Variants in LIG1 observed in about 807,000 individuals in gnomAD.
LIG1 encodes the protein DNA ligase 1.
In LIG1, 70 loss-of-function variants were observed where a neutral mutation model predicts 115.7. The ratio of observed to expected loss-of-function variants is 0.60; its 90% CI spans 0.50 to 0.74. The LOEUF (loss-of-function observed/expected upper bound fraction) is 0.74. Ranked by LOEUF, LIG1 falls within the 30% of genes least tolerant of loss-of-function variation. The pLI is 0.00. For missense variants in LIG1, 1,115 were observed against 1,225.6 expected (o/e 0.91, Z 1.35); for synonymous variants, 487 against 495.3 (o/e 0.98, Z 0.22).
intron 25 of LIG1, chr19:48,118,404 C>T (rs1307821991): frequency 1.2e-5 from 2 of 162,594 alleles, no homozygotes; most frequent in African/African-American, 4.8e-5. Flanking sequence ...GGCAGTTCCC[C>T]TGCACACGCT....
In LIG1 at chr19:48,149,826, G is replaced by T; in HGVS notation, c.713C>A (p.Ala238Glu). 6.2e-7 allele frequency: 1 copy of T among 1,613,948 alleles called. No homozygotes were observed. Among genetic ancestry groups the T allele is most frequent in the Non-Finnish European group, 8.5e-7 (1 of 1,179,952 alleles). Residue 238 changes from alanine to glutamate, a missense_variant, in exon 9 of 28, where the codon GCA (alanine) becomes GAA (glutamate). By Grantham distance (107) the Ala-to-Glu change is moderately radical (BLOSUM62 -1). Coordinates refer to ENST00000263274, the MANE Select transcript of LIG1 (RefSeq NM_000234.3). ...LSSFFTPRKP[A>E]VKKEVKEEEP... is the part of the protein sequence containing the mutation. The stretch of plus-strand genomic sequence containing the variant: ...CTCTTCCTTCACTTCTTTTTTGACT[G>T]CTGGCTTCCGGGGGGCTAGGAATGA...
intron 9 of LIG1, among the ~76,000 whole-genome samples, chr19:48,148,389 C>T (rs906011211): frequency 6.6e-6 from 1 of 151,186 alleles, no homozygotes; most frequent in Non-Finnish European, 1.5e-5. Flanking sequence ...GCAGAAGAAT[C>T]GCTTGAACCT....
Position 48,127,951 on chromosome 19 carries a change from GCTT to G in LIG1, c.1888_1890del (p.Lys630del). The G allele has an allele frequency of 6.2e-7, 1 of 1,614,202 alleles. No individual in the cohort carries two copies. The highest frequency in any genetic ancestry group is 8.5e-7 in the Non-Finnish European group (1 of 1,180,048). On this transcript the variant is annotated inframe_deletion, in exon 20 of 28. Transcript: ENST00000263274. Reference sequence around the variant, plus strand: ...GTGAGCACTTGGAATGGCTGGATCTGCTTCTTTTCCCGGTCCCAAGCCACGGCT... The same window carrying G: ...GTGAGCACTTGGAATGGCTGGATCTGCTTTTCCCGGTCCCAAGCCACGGCT...
intron 24 of LIG1, among the ~76,000 whole-genome samples, 153 bp from the exon 25 acceptor site, chr19:48,119,343 G>T (rs149674921): frequency 6.6e-6 from 1 of 152,186 alleles, no homozygotes; most frequent in African/African-American, 2.4e-5. Context: ...CTGGGGGTGC[G>T]GAGCATCCAT....
chr19:48,151,146 C>T, intron 7 of LIG1, 86 bp downstream of exon 7: 1 of 765,106 alleles, frequency 1.3e-6, no homozygotes, highest in Non-Finnish European at 2.3e-6. Flanking sequence ...AGAATCTATG[C>T]CTTGTTTAAA....
intron 9 of LIG1, among the ~76,000 whole-genome samples, chr19:48,144,813 C>CT (rs1221737740): frequency 6.6e-6 from 1 of 152,110 alleles, no homozygotes; most frequent in Non-Finnish European, 1.5e-5. Context: ...CAGAAGGGAC[C>CT]TTTCTAACTT....
chr19:48,154,224 T>A, intron 5 of LIG1: 1 of 475,272 alleles, frequency 2.1e-6, no homozygotes, highest in South Asian at 2.0e-5. Flanking sequence ...TCCCCACGAG[T>A]AAACAATGAT....
At chr19:48,135,100 G>A (rs955288732) in intron 16 of LIG1, among the ~76,000 whole-genome samples, 1 of 152,184 alleles carries the variant, frequency 6.6e-6, no homozygotes, top group African/African-American at 2.4e-5. Context: ...AGCCCTGTCT[G>A]GCACTCAGAA....
intron 4 of LIG1, among the ~76,000 whole-genome samples, chr19:48,157,510 G>C (rs2035926304): frequency 6.6e-6 from 1 of 151,988 alleles, no homozygotes; most frequent in South Asian, 2.1e-4. Context: ...GGGATGTCAG[G>C]GGAAATGATG....
intron 18 of LIG1, 37 bp from the exon 19 acceptor site, chr19:48,131,208 G>C (rs2034002358): frequency 6.7e-7 from 1 of 1,494,154 alleles, no homozygotes; most frequent in African/African-American, 1.4e-5. Flanking sequence ...AATCAGCTGA[G>C]TCCCCTCATG....
chr19:48,140,211 G>T, intron 11 of LIG1, 68 bp from the exon 12 acceptor site: 3 of 1,058,428 alleles, frequency 2.8e-6, no homozygotes, highest in South Asian at 1.3e-5. Flanking sequence ...GGGGTGGGGT[G>T]GGTTTAAGGG....
At chr19:48,149,036 G>A (rs1459623863) in intron 9 of LIG1, among the ~76,000 whole-genome samples, 1 of 152,194 alleles carries the variant, frequency 6.6e-6, no homozygotes, top group Non-Finnish European at 1.5e-5. Flanking sequence ...CAGGCCAGGT[G>A]TACTGGCTCA....
Position 48,143,583 on chromosome 19 carries a change from C to T in LIG1, c.874G>A (p.Val292Met). Residue 292 changes from valine to methionine, a missense_variant, in exon 11 of 28, where the codon GTG (valine) becomes ATG (methionine). Val to Met is a conservative substitution (Grantham distance 21). Coordinates refer to ENST00000263274, the MANE Select transcript of LIG1 (RefSeq NM_000234.3). ...TCGATCTTCTCAAACGTCCGGGCCA[C>T]AGCCAGGTAAGGAACCCTAGGGAAG... ...KPGQKVPYLA[V>M]ARTFEKIEEV... 1.9e-6 allele frequency: 3 copies of T among 1,610,704 alleles called. No individual in the cohort carries two copies. In the South Asian group the frequency reaches 3.3e-5, roughly 18 times the overall value.
intron 20 of LIG1, chr19:48,127,702 G>A (rs2033761776): frequency 4.4e-5 from 29 of 656,374 alleles, no homozygotes; most frequent in East Asian, 3.5e-4. Context: ...AGAGATGCCC[G>A]AAAAGGGCCC....
intron 21 of LIG1, among the ~76,000 whole-genome samples, chr19:48,123,844 C>G (rs1237818813): frequency 7.4e-6 from 1 of 134,472 alleles, no homozygotes; most frequent in East Asian, 2.6e-4. Context: ...AGCCTCATCC[C>G]CAAGATAATT....
chr19:48,165,018 T>C (rs2036401624), intron 2 of LIG1, among the ~76,000 whole-genome samples: 1 of 152,208 alleles, frequency 6.6e-6, no homozygotes, highest in Non-Finnish European at 1.5e-5. Context: ...CCCAGCACTC[T>C]GGGAGGCCGA....
At position 48,143,146 on chromosome 19, in the gene LIG1, G is replaced by A. The variant is rs574710034; in HGVS notation, c.914+397C>T. ...CGCTCTGCAGGGAACCTCTGTGAAT[G>A]AGTAGGGGGTCCTCGCTATAACTGA... On this transcript the variant is annotated intron_variant, in intron 11 of 27. Transcript: ENST00000263274. Among the ~76,000 whole-genome samples the A allele has an allele frequency of 9.2e-5, 14 of 152,326 alleles. 1 individual carries two copies. The South Asian group carries it at 2.7e-3, about 29-fold the overall frequency.
chr19:48,161,166 C>T, intron 4 of LIG1: 1 of 658,020 alleles, frequency 1.5e-6, no homozygotes, highest in Non-Finnish European at 2.7e-6. Flanking sequence ...CATCCAAGAC[C>T]TAACGTGGTG....
Position 48,137,984 on chromosome 19 carries a change from AT to A in LIG1, c.1088-297del, listed in dbSNP as rs1298895580. On this transcript the variant is annotated intron_variant, in intron 12 of 27. Transcript: ENST00000263274. This position sits in a 1 kb window ranked among gnomAD's most constrained non-coding sequence, Gnocchi z 4.3. ...CCGGTGTCATCAGGGCGCGGATGGG[AT>A]TTAAAGCCACAGGCGGGACAAGGTC... 3.9e-6 allele frequency: 2 copies of A among 506,868 alleles called. No individual in the cohort carries two copies. Among genetic ancestry groups the A allele is most frequent in the Non-Finnish European group, 7.3e-6 (2 of 275,660 alleles). 31.4% of individuals were successfully genotyped at this position (506,868 alleles called of 1,614,324 possible). A position where few individuals can be genotyped will look rare whatever the true frequency, so the allele number is the denominator to read the frequency against.
Sources: allele counts gnomAD v4.1 joint callset (sites outside exome capture counted in the v4.1 genomes callset), GRCh38; gene constraint gnomAD v4.1.1; non-coding constraint Gnocchi (gnomAD v3.1); transcripts MANE v1.5; gene names NCBI Gene and HGNC (gene_info 2026-07-23, HGNC 2026-07-21).